The following KIF6 variants were observed in gnomAD, a reference collection of about 807,000 sequenced individuals.
KIF6 encodes kinesin family member 6, also known as kinesin-like protein KIF6.
KIF6 carries 106 observed loss-of-function variants against 112.7 expected under a neutral mutation model. That is an observed-to-expected ratio of 0.94 (90% CI 0.80 to 1.11). The LOEUF (loss-of-function observed/expected upper bound fraction) is 1.11. KIF6 is among the 50% of genes least tolerant of loss of function. KIF6 has a pLI of 0.00. For missense variants in KIF6, 929 were observed against 964.0 expected (o/e 0.96, Z 0.48); for synonymous variants, 339 against 339.9 (o/e 1.00, Z 0.03).
rs558405732 is a variant in KIF6, at chr6:39,720,839, A to G, written c.67-28T>C. The G allele has an allele frequency of 1.9e-5, 19 of 974,634 alleles. No homozygotes were observed. The African/African-American group carries it at 3.0e-4, about 16-fold the overall frequency. The allele number at this position is 974,634 out of a possible 1,614,324, so 60.4% of individuals were successfully genotyped here. On this transcript the variant is annotated intron_variant, in intron 1 of 22. Coordinates refer to ENST00000287152, the MANE Select transcript of KIF6 (RefSeq NM_145027.6). ...GCAAATGTGAAGACAACAAATGGAT[A>G]TAAAATGGTGAAATTATGGCTTGAA... is the stretch of plus-strand genomic sequence containing the variant.
chr6:39,629,809 A>G (rs2150749935), intron 5 of KIF6, among the ~76,000 whole-genome samples: 1 of 152,164 alleles, frequency 6.6e-6, no homozygotes, highest in Non-Finnish European at 1.5e-5. Flanking sequence ...TAGAAGACTT[A>G]TAGTTTTGCA....
chr6:39,667,416 T>C (rs1451133605), intron 3 of KIF6, among the ~76,000 whole-genome samples: 1 of 152,150 alleles, frequency 6.6e-6, no homozygotes, highest in Admixed American at 6.6e-5. Flanking sequence ...TTGTTTTCTC[T>C]GGCCAGCACC....
intron 20 of KIF6, among the ~76,000 whole-genome samples, chr6:39,346,115 C>CT (rs1429375657): frequency 1.5e-4 from 10 of 65,030 alleles, no homozygotes; most frequent in Non-Finnish European, 2.2e-4. Context: ...CCCTCCCTCT[C>CT]CCTCTCCCTC....
chr6:39,640,999 T>C (rs1784870387), intron 3 of KIF6, among the ~76,000 whole-genome samples: 1 of 152,128 alleles, frequency 6.6e-6, no homozygotes, highest in Non-Finnish European at 1.5e-5. Context: ...TCACTTTTCT[T>C]CGTGTGTCTT....
chr6:39,368,064 G>A (rs1765707195), intron 16 of KIF6, among the ~76,000 whole-genome samples: 2 of 152,182 alleles, frequency 1.3e-5, no homozygotes, highest in Non-Finnish European at 2.9e-5. Flanking sequence ...CCCTACAGAA[G>A]TTTAGATAGG....
At chr6:39,533,227 C>T (rs532781293) in intron 13 of KIF6, among the ~76,000 whole-genome samples, 29 of 152,326 alleles carry the variant, frequency 1.9e-4, no homozygotes, top group Admixed American at 7.8e-4. Flanking sequence ...ACTCGGGAAG[C>T]GCAAGGGGTC....
rs6901619 is a variant in KIF6 at position 39,699,625 on chromosome 6, T to C, written c.251+15067A>G. ...CACAATGAAAATGCAGGGCCCCTTG[T>C]TGAAAAAGTAGAGGAAAAGTGCTGT... On this transcript the variant is annotated intron_variant, in intron 3 of 22. Transcript: ENST00000287152. 9.7e-3 allele frequency among the ~76,000 whole-genome samples: 1,479 copies of C among 152,252 alleles called. 27 individuals are homozygous for C. Among genetic ancestry groups the C allele is most frequent in the African/African-American group, 0.034 (1,394 of 41,548 alleles).
chr6:39,633,601 G>C (rs970399786), intron 5 of KIF6, among the ~76,000 whole-genome samples: 2 of 152,140 alleles, frequency 1.3e-5, no homozygotes, highest in East Asian at 3.8e-4. Flanking sequence ...ATTTTCAAAT[G>C]GGCTTCTTTT....
chr6:39,582,266 A>T (rs1302311471), intron 9 of KIF6, among the ~76,000 whole-genome samples: 1 of 152,176 alleles, frequency 6.6e-6, no homozygotes, highest in Admixed American at 6.5e-5. Context: ...CTCCCATCCA[A>T]TTACTGAAGG....
chr6:39,582,501 T>C (rs552969257), intron 9 of KIF6, among the ~76,000 whole-genome samples: 4 of 152,204 alleles, frequency 2.6e-5, no homozygotes, highest in Non-Finnish European at 5.9e-5. Context: ...AACCTCTACC[T>C]CCTGGGTTCA....
At chr6:39,640,147 T>C (rs941963273) in intron 3 of KIF6, among the ~76,000 whole-genome samples, 1 of 152,126 alleles carries the variant, frequency 6.6e-6, no homozygotes, top group Non-Finnish European at 1.5e-5. Context: ...TAGTAGTTAC[T>C]TCCTAGAACA....
chr6:39,621,527 T>C (rs1783819540), intron 5 of KIF6, among the ~76,000 whole-genome samples: 1 of 152,172 alleles, frequency 6.6e-6, no homozygotes, highest in South Asian at 2.1e-4. Context: ...ACCTCTACAA[T>C]GGACTGTTGA....
At chr6:39,426,729 C>T (rs928885613) in intron 14 of KIF6, among the ~76,000 whole-genome samples, 3 of 151,742 alleles carry the variant, frequency 2.0e-5, no homozygotes, top group Admixed American at 6.6e-5. Context: ...CCAGCCTAGG[C>T]GACAGAGTGA....
At chr6:39,588,740 G>A (rs1781772643) in intron 7 of KIF6, among the ~76,000 whole-genome samples, 1 of 152,000 alleles carries the variant, frequency 6.6e-6, no homozygotes, top group Non-Finnish European at 1.5e-5. Context: ...AAAACCTTAG[G>A]CAATCATCCT....
intron 9 of KIF6, among the ~76,000 whole-genome samples, chr6:39,582,963 T>C (rs1781376744): frequency 6.6e-6 from 1 of 152,168 alleles, no homozygotes; most frequent in Non-Finnish European, 1.5e-5. Flanking sequence ...ATTACCAGAT[T>C]AATCTGCACC....
intron 6 of KIF6, 87 bp downstream of exon 6, chr6:39,613,102 C>A: frequency 9.0e-7 from 1 of 1,105,992 alleles, no homozygotes; most frequent in Non-Finnish European, 1.2e-6. Flanking sequence ...CCCTAAACTT[C>A]TATTATATCT....
Position 39,391,451 on chromosome 6 carries a change from A to T in KIF6, c.1811-5779T>A, listed in dbSNP as rs568439809. Among the ~76,000 whole-genome samples, 9 of 152,310 alleles carry T rather than the reference A, an allele frequency of 5.9e-5. No individual in the cohort carries two copies. The South Asian group carries it at 1.5e-3, about 25-fold the overall frequency. ...CAAGCCCAAGGAGGAAGAAACGTAC[A>T]AACTCAGCCCCTCTCCAGCTGCTAA... On this transcript the variant is annotated intron_variant, in intron 15 of 22. Transcript: ENST00000287152.
chr6:39,474,851 A>C (rs963772296), intron 13 of KIF6, among the ~76,000 whole-genome samples: 15 of 152,262 alleles, frequency 9.9e-5, no homozygotes, highest in African/African-American at 3.1e-4. Flanking sequence ...CAGTGGGCCT[A>C]CTGCCTGTGG....
chr6:39,701,036 T>C (rs1281350193), intron 3 of KIF6, among the ~76,000 whole-genome samples: 1 of 152,212 alleles, frequency 6.6e-6, no homozygotes, highest in Non-Finnish European at 1.5e-5. Context: ...CTGTAGATAT[T>C]TGCCTTACAA....
Sources: gnomAD v4.1 joint callset for allele counts (sites outside exome capture counted in the v4.1 genomes callset) on GRCh38, gnomAD v4.1.1 for gene constraint, MANE v1.5 for transcripts, NCBI Gene and HGNC (gene_info 2026-07-23, HGNC 2026-07-21) for gene names.